FOXP1: variants seen among roughly 807,000 people sequenced by gnomAD.
FOXP1 encodes the protein forkhead box P1.
A neutral mutation model predicts 98.2 loss-of-function variants in FOXP1; 15 were observed. That is an observed-to-expected ratio of 0.15 (90% CI 0.10 to 0.24). The LOEUF is 0.24. Among genes scored for constraint, FOXP1 ranks in the 10% least tolerant of loss-of-function variants. The pLI is 1.00. For missense variants in FOXP1, 633 were observed against 848.5 expected, an observed-to-expected ratio of 0.75 and a Z score of 3.15; for synonymous variants, 371 against 314.5, an observed-to-expected ratio of 1.18 and a Z score of -1.90.
intron 12 of FOXP1, among the ~76,000 whole-genome samples, chr3:71,005,010 C>T (rs1015028984): frequency 6.6e-6 from 1 of 151,954 alleles, no homozygotes; most frequent in East Asian, 1.9e-4. Flanking sequence ...CGGTTATGAA[C>T]GTTGGCATGT....
chr3:71,429,552 T>C (rs1259160712), intron 3 of FOXP1, among the ~76,000 whole-genome samples: 1 of 151,766 alleles, frequency 6.6e-6, no homozygotes, highest in Non-Finnish European at 1.5e-5. Context: ...CAGAAAATAT[T>C]GAAATAGAAA....
intron 4 of FOXP1, among the ~76,000 whole-genome samples, chr3:71,326,891 TA>T (rs1167894535): frequency 1.3e-5 from 2 of 152,184 alleles, no homozygotes; most frequent in African/African-American, 4.8e-5. Flanking sequence ...ATCCAAACTA[TA>T]AGAGAAATAG....
chr3:71,538,532 C>T (rs371077800), intron 2 of FOXP1, among the ~76,000 whole-genome samples: 10 of 152,322 alleles, frequency 6.6e-5, no homozygotes, highest in East Asian at 3.9e-4. Context: ...GCATTGCAAA[C>T]ATTCATCACA....
chr3:70,958,262 C>CAATA lies in FOXP1; in HGVS notation c.*981_*984dup, dbSNP rs1553650479. On this transcript the variant is annotated 3_prime_UTR_variant, in exon 21 of 21. Transcript: ENST00000649528. Reference sequence around the variant, plus strand: ...AAACACCCCTCCCCCGAACCACCCCCAATACTGCTGCGTGGAATGAATCGG... The same window carrying CAATA: ...AAACACCCCTCCCCCGAACCACCCCCAATAAATACTGCTGCGTGGAATGAATCGG... 1.9e-6 allele frequency: 1 copy of CAATA among 534,812 alleles called. No homozygotes were observed. The highest frequency in any genetic ancestry group is 3.6e-6 in the Non-Finnish European group (1 of 275,774). 33.1% of individuals were successfully genotyped at this position (534,812 alleles called of 1,614,324 possible).
intron 5 of FOXP1, among the ~76,000 whole-genome samples, chr3:71,263,721 T>C (rs2069374495): frequency 6.6e-6 from 1 of 151,272 alleles, no homozygotes; most frequent in African/African-American, 2.4e-5. Context: ...AGGTTGACCA[T>C]ACTCAGAGAA....
chr3:71,478,210 G>A (rs1199852339), intron 3 of FOXP1, among the ~76,000 whole-genome samples: 1 of 152,088 alleles, frequency 6.6e-6, no homozygotes, highest in Non-Finnish European at 1.5e-5. Flanking sequence ...TGGACCTCTA[G>A]AAAAGTCCTC....
At chr3:71,331,917 G>C (rs998819859) in intron 4 of FOXP1, among the ~76,000 whole-genome samples, 1 of 152,106 alleles carries the variant, frequency 6.6e-6, no homozygotes, top group Non-Finnish European at 1.5e-5. Flanking sequence ...TTTGTGTCTA[G>C]TTCAGGGATT....
At chr3:71,334,739 A>G (rs931479480) in intron 4 of FOXP1, 14 of 152,304 alleles carry the variant, frequency 9.2e-5, no homozygotes, top group African/African-American at 3.4e-4. Context: ...ACTGTTACGA[A>G]AATTCAAGAA....
At chr3:71,539,109 GTTT>G (rs1560626900) in intron 2 of FOXP1, among the ~76,000 whole-genome samples, 2 of 146,720 alleles carry the variant, frequency 1.4e-5, no homozygotes, top group African/African-American at 5.0e-5. Flanking sequence ...TTATTTTTTT[GTTT>G]TTATTTTTTT....
At chr3:71,479,787 G>A (rs1191997510) in intron 3 of FOXP1, among the ~76,000 whole-genome samples, 2 of 151,896 alleles carry the variant, frequency 1.3e-5, no homozygotes, top group East Asian at 3.9e-4. Flanking sequence ...TAAGGATTAA[G>A]GACACATGAA....
chr3:71,521,547 AG>A (rs747555687), intron 2 of FOXP1, among the ~76,000 whole-genome samples: 14 of 109,760 alleles, frequency 1.3e-4, no homozygotes, highest in East Asian at 5.5e-4. Flanking sequence ...GGGCAGGGGG[AG>A]GGGGGGGACC....
At chr3:71,239,550 A>G (rs910873670) in intron 5 of FOXP1, among the ~76,000 whole-genome samples, 3 of 152,176 alleles carry the variant, frequency 2.0e-5, no homozygotes, top group Non-Finnish European at 4.4e-5. Flanking sequence ...TCTCAAAAAC[A>G]AAAACAAACA....
chr3:71,329,706 G>A (rs959365221), intron 4 of FOXP1: 1 of 152,196 alleles, frequency 6.6e-6, no homozygotes, highest in Non-Finnish European at 1.5e-5. Context: ...CATGGTTTGA[G>A]GCCTAATACT....
chr3:70,989,932 A>C (rs2040347510), intron 13 of FOXP1, among the ~76,000 whole-genome samples: 1 of 152,172 alleles, frequency 6.6e-6, no homozygotes, highest in Admixed American at 6.5e-5. Flanking sequence ...TACCAAACTG[A>C]TCTTTTACTG....
chr3:71,078,723 C>T (rs1236844623), intron 7 of FOXP1, among the ~76,000 whole-genome samples: 1 of 151,910 alleles, frequency 6.6e-6, no homozygotes, highest in Non-Finnish European at 1.5e-5. Context: ...GGAGCTTCCA[C>T]TTCATTTTGT....
At chr3:71,441,271 G>A (rs1379765492) in intron 3 of FOXP1, among the ~76,000 whole-genome samples, 1 of 152,226 alleles carries the variant, frequency 6.6e-6, no homozygotes, top group African/African-American at 2.4e-5. Flanking sequence ...GGACATACAT[G>A]TGGAAATGTC....
chr3:71,531,513 A>G (rs2043846772), intron 2 of FOXP1, among the ~76,000 whole-genome samples: 1 of 152,234 alleles, frequency 6.6e-6, no homozygotes, highest in African/African-American at 2.4e-5. Context: ...GACAAAAAAA[A>G]AGAAGGAAGG....
chr3:71,289,232 G>C, intron 5 of FOXP1, among the ~76,000 whole-genome samples: 1 of 151,266 alleles, frequency 6.6e-6, no homozygotes, highest in African/African-American at 2.4e-5. Context: ...GTAGAGACAG[G>C]GTTTCCCCAT....
chr3:71,127,640 A>C (rs905355303), intron 6 of FOXP1, among the ~76,000 whole-genome samples: 3 of 152,202 alleles, frequency 2.0e-5, no homozygotes, highest in African/African-American at 7.2e-5. Context: ...AATGCTTCTC[A>C]TGATCTCTAG....
Sources: gnomAD v4.1 joint callset for allele counts (sites outside exome capture counted in the v4.1 genomes callset) on GRCh38, gnomAD v4.1.1 for gene constraint, MANE v1.5 for transcripts, NCBI Gene and HGNC (gene_info 2026-07-23, HGNC 2026-07-21) for gene names.